BMP5: variants seen among roughly 807,000 people sequenced by gnomAD.
The protein encoded by BMP5 is bone morphogenetic protein 5.
Under a neutral mutation model 46.6 loss-of-function variants are expected in BMP5, and 23 were observed. The ratio of observed to expected loss-of-function variants is 0.49; its 90% CI spans 0.35 to 0.70. BMP5 has a LOEUF of 0.70. Among genes scored for constraint, BMP5 ranks in the 30% least tolerant of loss-of-function variants. BMP5 has a pLI of 0.00. For synonymous variants in BMP5, 204 were observed against 191.9 expected, an observed-to-expected ratio of 1.06 and a Z score of -0.52; for missense variants, 545 against 565.6, an observed-to-expected ratio of 0.96 and a Z score of 0.37.
At position 55,817,247 on chromosome 6, in the gene BMP5, T is replaced by C. The variant is rs374168724; in HGVS notation, c.683+2408A>G. ...CCATTTGACCCAGCCATCCCATTAC[T>C]GGGCATATACCCAAAGGATTATAAA... On this transcript the variant is annotated intron_variant, in intron 2 of 6. Coordinates refer to ENST00000370830, the MANE Select transcript of BMP5 (RefSeq NM_021073.4). 5.1e-4 allele frequency among the ~76,000 whole-genome samples: 78 copies of C among 152,326 alleles called. No individual in the cohort carries two copies. The South Asian group carries it at 0.016, about 31-fold the overall frequency.
intron 2 of BMP5, among the ~76,000 whole-genome samples, chr6:55,795,774 T>G (rs1775696863): frequency 6.6e-6 from 1 of 152,198 alleles, no homozygotes; most frequent in African/African-American, 2.4e-5. Context: ...TTTTATTGTC[T>G]TTTCACAATT....
intron 1 of BMP5, among the ~76,000 whole-genome samples, chr6:55,856,485 C>A (rs1196246290): frequency 6.6e-6 from 1 of 152,158 alleles, no homozygotes. Context: ...ATTTTGCATA[C>A]CTACCAGCAA....
intron 4 of BMP5, among the ~76,000 whole-genome samples, chr6:55,771,191 C>T (rs72868864): frequency 0.042 from 6,420 of 151,800 alleles, 188 homozygotes; most frequent in Non-Finnish European, 0.064. Flanking sequence ...TTCTTTTCAA[C>T]ACTGAATATA....
chr6:55,831,499 T>C (rs1392835358), intron 1 of BMP5, among the ~76,000 whole-genome samples: 1 of 151,800 alleles, frequency 6.6e-6, no homozygotes, highest in Non-Finnish European at 1.5e-5. Flanking sequence ...ACAAATCCTA[T>C]AAAATAGAAA....
At chr6:55,781,986 A>C (rs577835947) in intron 3 of BMP5, among the ~76,000 whole-genome samples, 1 of 152,204 alleles carries the variant, frequency 6.6e-6, no homozygotes, top group African/African-American at 2.4e-5. Context: ...CCAGCAAAAT[A>C]GAAGAAAAAT....
At chr6:55,812,597 G>C (rs552942453) in intron 2 of BMP5, among the ~76,000 whole-genome samples, 1 of 152,274 alleles carries the variant, frequency 6.6e-6, no homozygotes, top group African/African-American at 2.4e-5. Context: ...TATATGCATT[G>C]TCAAATAAAT....
intron 1 of BMP5, among the ~76,000 whole-genome samples, chr6:55,822,487 T>A (rs1776432522): frequency 6.6e-6 from 1 of 152,150 alleles, no homozygotes; most frequent in African/African-American, 2.4e-5. Flanking sequence ...AACCAGCCAT[T>A]TGAAAATATA....
chr6:55,814,173 G>C (rs1234845887), intron 2 of BMP5, among the ~76,000 whole-genome samples: 1 of 151,890 alleles, frequency 6.6e-6, no homozygotes, highest in Non-Finnish European at 1.5e-5. Context: ...ATTAAATTAT[G>C]TAATAAAACT....
intron 3 of BMP5, among the ~76,000 whole-genome samples, chr6:55,791,797 A>T (rs1775577702): frequency 6.6e-6 from 1 of 152,218 alleles, no homozygotes; most frequent in African/African-American, 2.4e-5. Flanking sequence ...CATATTTCAT[A>T]GATTTCTTGA....
intron 1 of BMP5, among the ~76,000 whole-genome samples, chr6:55,835,839 G>T (rs1776780906): frequency 6.6e-6 from 1 of 151,972 alleles, no homozygotes; most frequent in Admixed American, 6.6e-5. Flanking sequence ...AACAATTTGG[G>T]GAAAAGAATT....
chr6:55,770,768 G>A (rs903750172), intron 4 of BMP5, among the ~76,000 whole-genome samples: 4 of 151,738 alleles, frequency 2.6e-5, no homozygotes, highest in South Asian at 2.1e-4. Flanking sequence ...GGCCATTGTC[G>A]GGTACTAACT....
intron 1 of BMP5, among the ~76,000 whole-genome samples, chr6:55,845,863 A>G (rs544472003): frequency 6.6e-6 from 1 of 152,054 alleles, no homozygotes; most frequent in Admixed American, 6.6e-5. Flanking sequence ...TTTATAGAGG[A>G]AGGTATTTGG....
chr6:55,844,770 T>C (rs1777056299), intron 1 of BMP5, among the ~76,000 whole-genome samples: 1 of 151,910 alleles, frequency 6.6e-6, no homozygotes, highest in Non-Finnish European at 1.5e-5. Flanking sequence ...ACTCTAAGAA[T>C]ACTTATAATT....
chr6:55,869,686 G>C (rs1777734350), intron 1 of BMP5, among the ~76,000 whole-genome samples: 1 of 152,014 alleles, frequency 6.6e-6, no homozygotes, highest in Admixed American at 6.6e-5. Context: ...ATTAAATTCT[G>C]TCAATGGGAT....
At chr6:55,806,816 A>C (rs1446378084) in intron 2 of BMP5, among the ~76,000 whole-genome samples, 1 of 151,992 alleles carries the variant, frequency 6.6e-6, no homozygotes, top group East Asian at 1.9e-4. Context: ...TAGGCATTTT[A>C]TTCTCTTTGT....
intron 2 of BMP5, among the ~76,000 whole-genome samples, chr6:55,807,870 G>A (rs1562048040): frequency 6.6e-6 from 1 of 152,110 alleles, no homozygotes; most frequent in Non-Finnish European, 1.5e-5. Context: ...GTACTGACAT[G>A]TGTTTATATA....
chr6:55,865,414 G>A (rs2021803), intron 1 of BMP5: 228,465 of 502,966 alleles, frequency 0.45, 55,297 homozygotes, highest in African/African-American at 0.71. Flanking sequence ...ACCAAAGGTA[G>A]TATGAAAAGC....
intron 1 of BMP5, among the ~76,000 whole-genome samples, chr6:55,831,988 A>G (rs999707680): frequency 9.9e-5 from 15 of 152,280 alleles, no homozygotes; most frequent in Admixed American, 9.8e-4. Context: ...GGGAGATTTC[A>G]GGACAACGGC....
intron 6 of BMP5, among the ~76,000 whole-genome samples, chr6:55,757,713 G>A (rs1364485459): frequency 6.6e-6 from 1 of 151,790 alleles, no homozygotes; most frequent in African/African-American, 2.4e-5. Flanking sequence ...CACTGGTCAT[G>A]AATCAATAAA....
Sources: allele counts gnomAD v4.1 joint callset (sites outside exome capture counted in the v4.1 genomes callset), GRCh38; gene constraint gnomAD v4.1.1; transcripts MANE v1.5; gene names NCBI Gene and HGNC (gene_info 2026-07-23, HGNC 2026-07-21).